ITPRID1: variants seen among roughly 807,000 people sequenced by gnomAD.
ITPRID1 encodes protein ITPRID1.
Under a neutral mutation model 95.4 loss-of-function variants are expected in ITPRID1, and 96 were observed. The ratio of observed to expected loss-of-function variants is 1.01; its 90% confidence interval spans 0.85 to 1.19. The LOEUF is 1.19. Among genes scored for constraint, ITPRID1 ranks in the 50% most tolerant of loss-of-function variants. The probability of loss-of-function intolerance (pLI) is 0.00; values close to 1 mark genes in which losing one functional copy is unlikely to be tolerated. For missense variants in ITPRID1, 1,339 were observed against 1,252.9 expected, an observed-to-expected ratio of 1.07 and a Z score of -1.04; for synonymous variants, 510 against 453.6, an observed-to-expected ratio of 1.12 and a Z score of -1.58.
intron 1 of ITPRID1, among the ~76,000 whole-genome samples, chr7:31,535,055 T>G (rs1253363110): frequency 6.6e-6 from 1 of 152,128 alleles, no homozygotes; most frequent in Non-Finnish European, 1.5e-5. Flanking sequence ...CATATGTGCC[T>G]TAAGAGCACT....
At chr7:31,556,273 C>T (rs1290069428) in intron 5 of ITPRID1, among the ~76,000 whole-genome samples, 1 of 152,066 alleles carries the variant, frequency 6.6e-6, no homozygotes, top group Non-Finnish European at 1.5e-5. Flanking sequence ...TTTGCCAGGT[C>T]CTTTATCTTC....
chr7:31,529,810 A>G (rs1366137951), intron 1 of ITPRID1: 2 of 1,533,432 alleles, frequency 1.3e-6, no homozygotes, highest in Admixed American at 2.0e-5. Context: ...CTCTGCTGAA[A>G]CTCCTTTATT....
At chr7:31,558,769 A>G (rs1485904908) in intron 5 of ITPRID1, among the ~76,000 whole-genome samples, 2 of 152,176 alleles carry the variant, frequency 1.3e-5, no homozygotes, top group African/African-American at 2.4e-5. Flanking sequence ...ACCAGAAACT[A>G]GCATACCGCC....
intron 10 of ITPRID1, among the ~76,000 whole-genome samples, chr7:31,623,732 A>C (rs1463171178): frequency 7.0e-6 from 1 of 143,858 alleles, no homozygotes; most frequent in Admixed American, 7.2e-5. Flanking sequence ...AACCTCTATC[A>C]CCACGCCTAT....
At chr7:31,540,254 G>C (rs548654219) in intron 1 of ITPRID1, among the ~76,000 whole-genome samples, 1 of 152,210 alleles carries the variant, frequency 6.6e-6, no homozygotes, top group African/African-American at 2.4e-5. Context: ...CACTAGACGT[G>C]GGGGTGAAGG....
At chr7:31,519,153 A>T (rs1783137261) in intron 1 of ITPRID1, among the ~76,000 whole-genome samples, 1 of 152,218 alleles carries the variant, frequency 6.6e-6, no homozygotes, top group East Asian at 1.9e-4. Context: ...GTCCTACACA[A>T]CATGGTAGTG....
chr7:31,526,760 A>G (rs576022712), intron 1 of ITPRID1, among the ~76,000 whole-genome samples: 1 of 152,204 alleles, frequency 6.6e-6, no homozygotes, highest in South Asian at 2.1e-4. Flanking sequence ...ACATAGTTCT[A>G]AAATAACTCA....
chr7:31,628,152 T>G (rs1788648432), intron 10 of ITPRID1, among the ~76,000 whole-genome samples: 1 of 152,186 alleles, frequency 6.6e-6, no homozygotes, highest in South Asian at 2.1e-4. Context: ...CGGCAGCCAT[T>G]TTCAAAAAGT....
chr7:31,643,810 C>T lies in ITPRID1; in HGVS notation c.2440C>T (p.His814Tyr), dbSNP rs775700644. The T allele has an allele frequency of 1.2e-6, 2 of 1,613,946 alleles. No homozygotes were observed. The highest frequency in any genetic ancestry group is 1.1e-5 in the South Asian group (1 of 91,086). Reference sequence around the variant, plus strand: ...CTGCATCTGCTGTCATCACCACCCTCACTGCCACGGGGAGAGGCAAAGCCC... The same window carrying T: ...CTGCATCTGCTGTCATCACCACCCTTACTGCCACGGGGAGAGGCAAAGCCC... ...HCCICCHHHP[H>Y]CHGERQSPGP... The change falls in exon 12 of 15, where the codon CAC (histidine) becomes TAC (tyrosine). Residue 814 changes from histidine (H) to tyrosine (Y), a missense_variant. Transcript: ENST00000615280.
intron 7 of ITPRID1, among the ~76,000 whole-genome samples, chr7:31,573,820 AAATT>A (rs1247588894): frequency 4.7e-5 from 7 of 150,524 alleles, no homozygotes; most frequent in Non-Finnish European, 7.4e-5. Context: ...AATTATAACA[AAATT>A]AAATAATTTA....
chr7:31,571,583 T>C lies in ITPRID1; in HGVS notation c.309-519T>C, dbSNP rs367874155. ...TCTGCAAAGCAGGCCTATTGGATAGTGATGTTCATTTTTTCCATAGTAAAG... is the reference window on the plus strand; with the variant it reads ...TCTGCAAAGCAGGCCTATTGGATAGCGATGTTCATTTTTTCCATAGTAAAG... On this transcript the variant is annotated intron_variant, in intron 6 of 14. Coordinates refer to ENST00000615280, the MANE Select transcript of ITPRID1 (RefSeq NM_001257967.3). 1.4e-4 allele frequency among the ~76,000 whole-genome samples: 21 copies of C among 152,258 alleles called. No individual in the cohort carries two copies. The East Asian group carries it at 4.0e-3, about 29-fold the overall frequency.
intron 10 of ITPRID1, among the ~76,000 whole-genome samples, chr7:31,599,343 C>T (rs1786245704): frequency 6.6e-6 from 1 of 152,002 alleles, no homozygotes; most frequent in Admixed American, 6.5e-5. Context: ...TTAACCTTAG[C>T]AACATCTGCT....
intron 1 of ITPRID1, among the ~76,000 whole-genome samples, chr7:31,536,561 A>G (rs1345020441): frequency 2.6e-5 from 4 of 152,172 alleles, no homozygotes; most frequent in African/African-American, 9.7e-5. Context: ...TAAATGTTAT[A>G]TATAAACCAA....
chr7:31,549,445 A>G lies in ITPRID1; in HGVS notation c.-78A>G, dbSNP rs979785775. ...TGACAGTTCCTGACAGGATAAGGAC[A>G]AGAAGCAACACACAGAAGAGAAGGA... On this transcript the variant is annotated 5_prime_UTR_variant, in exon 2 of 15. Transcript: ENST00000615280. 2.0e-6 allele frequency: 3 copies of G among 1,511,972 alleles called. No individual in the cohort carries two copies. The highest frequency in any genetic ancestry group is 1.7e-4 in the Middle Eastern group (1 of 5,884). 93.7% of individuals were successfully genotyped at this position (1,511,972 alleles called of 1,614,324 possible). A position where few individuals can be genotyped will look rare whatever the true frequency, so the allele number is the denominator to read the frequency against.
At chr7:31,617,780 AATAAAG>A (rs1287079019) in intron 10 of ITPRID1, among the ~76,000 whole-genome samples, 2 of 152,152 alleles carry the variant, frequency 1.3e-5, no homozygotes, top group Admixed American at 1.3e-4. Flanking sequence ...AATTGAAGAT[AATAAAG>A]ATAAAATGAA....
chr7:31,539,260 C>T (rs1055426727), intron 1 of ITPRID1, among the ~76,000 whole-genome samples: 22 of 152,190 alleles, frequency 1.4e-4, no homozygotes, highest in Admixed American at 1.2e-3. Flanking sequence ...TCTTGGCTCA[C>T]TGCAGCCTCA....
rs1250012184 is a variant in ITPRID1 at position 31,598,406 on chromosome 7, T to C, written c.1228+15215T>C. ...AATTTCTTTTTTTTTTTCTTTTTTT[T>C]TTTTTTTTTTTTTTTGAGACGGAGT... is the stretch of plus-strand genomic sequence containing the variant. On this transcript the variant is annotated intron_variant, in intron 10 of 14. Transcript: ENST00000615280. Among the ~76,000 whole-genome samples the C allele has an allele frequency of 7.2e-4, 101 of 140,904 alleles. 4 individuals are homozygous for C. Among genetic ancestry groups the C allele is most frequent in the Admixed American group, 1.5e-3 (22 of 14,296 alleles). 92.4% of individuals were successfully genotyped at this position (140,904 alleles called of 152,430 possible). A position where few individuals can be genotyped will look rare whatever the true frequency, so the allele number is the denominator to read the frequency against.
Position 31,651,134 on chromosome 7 carries a change from G to A in ITPRID1, c.2584-8G>A, listed in dbSNP as rs760740405. The A allele has an allele frequency of 8.1e-6, 13 of 1,610,356 alleles. No individual in the cohort carries two copies. The highest frequency in any genetic ancestry group is 1.3e-5 in the African/African-American group (1 of 74,716). On this transcript the variant is annotated splice_polypyrimidine_tract_variant and splice_region_variant and intron_variant, in intron 12 of 14. Transcript: ENST00000615280. ...ACTTTCTTCTCAGTTCTTTCTCATT[G>A]TTCTCAGTGCACAGTCCATGAGATG...
chr7:31,577,367 A>T (rs1195304528), intron 8 of ITPRID1, among the ~76,000 whole-genome samples: 1 of 152,176 alleles, frequency 6.6e-6, no homozygotes, highest in Non-Finnish European at 1.5e-5. Context: ...GTTGACCTGG[A>T]ATTTGGATCC....
Sources: gnomAD v4.1 joint callset for allele counts (sites outside exome capture counted in the v4.1 genomes callset) on GRCh38, gnomAD v4.1.1 for gene constraint, MANE v1.5 for transcripts, NCBI Gene and HGNC (gene_info 2026-07-23, HGNC 2026-07-21) for gene names.